PARD3B: variants seen among roughly 807,000 people sequenced by gnomAD.
PARD3B encodes par-3 family cell polarity regulator beta, also known as partitioning defective 3 homolog B.
PARD3B carries 103 observed loss-of-function variants against 130.2 expected under a neutral mutation model. That is an observed-to-expected ratio of 0.79 (90% confidence interval 0.67 to 0.93). PARD3B has a LOEUF of 0.93. PARD3B is among the 40% of genes least tolerant of loss of function. The pLI is 0.00. For missense variants in PARD3B, 1,609 were observed against 1,499.2 expected (o/e 1.07, Z -1.21); for synonymous variants, 583 against 553.2 (o/e 1.05, Z -0.76).
chr2:204,697,606 G>C (rs1407546424), intron 2 of PARD3B, among the ~76,000 whole-genome samples: 3 of 152,030 alleles, frequency 2.0e-5, no homozygotes, highest in Admixed American at 6.6e-5. Context: ...ACTTCTAAAG[G>C]CCAACTGTCA....
chr2:205,541,528 T>C (rs1045816296), intron 21 of PARD3B, among the ~76,000 whole-genome samples: 2 of 152,120 alleles, frequency 1.3e-5, no homozygotes, highest in Non-Finnish European at 2.9e-5. Flanking sequence ...TTTGTATTTT[T>C]AGTAGAGACG....
rs1361806945 is a variant in PARD3B at position 205,616,791 on chromosome 2, G to T, written c.*978G>T. ...GAGGCAGTGCCCTGGGAAATGCCAA[G>T]TCCAGACTCAGTGCCAAGCAGTAAC... is the stretch of plus-strand genomic sequence containing the variant. On this transcript the variant is annotated 3_prime_UTR_variant, in exon 23 of 23. Transcript: ENST00000406610. 6.6e-6 allele frequency: 1 copy of T among 152,630 alleles called. No homozygotes were observed. Among genetic ancestry groups the T allele is most frequent in the Admixed American group, 6.5e-5 (1 of 15,296 alleles). The allele number at this position is 152,630 out of a possible 1,614,324, so 9.5% of individuals were successfully genotyped here.
intron 2 of PARD3B, among the ~76,000 whole-genome samples, chr2:204,813,771 C>G (rs1242657254): frequency 6.6e-6 from 1 of 152,032 alleles, no homozygotes; most frequent in Non-Finnish European, 1.5e-5. Flanking sequence ...AGAGACTATT[C>G]TTTCTACGCT....
At chr2:205,565,567 CT>C (rs2053294098) in intron 22 of PARD3B, among the ~76,000 whole-genome samples, 1 of 152,176 alleles carries the variant, frequency 6.6e-6, no homozygotes, top group Non-Finnish European at 1.5e-5. Flanking sequence ...AGACAAGTCA[CT>C]TATGTTACCA....
At chr2:205,612,845 T>C (rs1047789773) in intron 22 of PARD3B, among the ~76,000 whole-genome samples, 1 of 152,314 alleles carries the variant, frequency 6.6e-6, no homozygotes, top group South Asian at 2.1e-4. Flanking sequence ...AGGTCTGCCC[T>C]ATCTGCCCAC....
Position 205,351,429 on chromosome 2 carries a change from G to T in PARD3B, c.2631-49584G>T, listed in dbSNP as rs1340689032. ...TGGTGAGTTTTCAGAAAACTGAAAG[G>T]TTGCCCTCAAGCTAGGTGCTGGAGG... On this transcript the variant is annotated intron_variant, in intron 18 of 22. Coordinates refer to ENST00000406610, the MANE Select transcript of PARD3B (RefSeq NM_001302769.2). This position sits in a 1 kb window ranked among gnomAD's most constrained non-coding sequence, Gnocchi z 4.2. Among the ~76,000 whole-genome samples the T allele has an allele frequency of 2.6e-5, 4 of 152,114 alleles. No homozygotes were observed. The highest frequency in any genetic ancestry group is 9.7e-5 in the African/African-American group (4 of 41,424).
chr2:204,745,916 GC>G (rs897634491), intron 2 of PARD3B, among the ~76,000 whole-genome samples: 1 of 150,770 alleles, frequency 6.6e-6, no homozygotes, highest in Admixed American at 6.6e-5. Flanking sequence ...CTTTGTTTTT[GC>G]CTTCCTTAAT....
intron 19 of PARD3B, among the ~76,000 whole-genome samples, chr2:205,411,227 A>G (rs1447343741): frequency 6.6e-6 from 1 of 152,208 alleles, no homozygotes; most frequent in Admixed American, 6.6e-5. Context: ...TTGAGAAACC[A>G]TATTTTAGAT....
At chr2:204,938,764 A>G (rs1414451384) in intron 2 of PARD3B, among the ~76,000 whole-genome samples, 2 of 152,268 alleles carry the variant, frequency 1.3e-5, no homozygotes, top group Admixed American at 6.5e-5. Flanking sequence ...TTGTGCAGCT[A>G]GGGTTGAGGA....
chr2:205,556,425 C>T (rs1348219119), intron 22 of PARD3B, among the ~76,000 whole-genome samples: 3 of 152,106 alleles, frequency 2.0e-5, no homozygotes, highest in Middle Eastern at 3.2e-3. Context: ...TCATGGAACT[C>T]GGTCATCTTT....
chr2:205,122,248 G>A lies in PARD3B; in HGVS notation c.1165+299G>A, dbSNP rs2030835410. 6.6e-6 allele frequency among the ~76,000 whole-genome samples: 1 copy of A among 152,072 alleles called. No homozygotes were observed. Among genetic ancestry groups the A allele is most frequent in the African/African-American group, 2.4e-5 (1 of 41,404 alleles). On this transcript the variant is annotated intron_variant, in intron 8 of 22. Coordinates refer to ENST00000406610, the MANE Select transcript of PARD3B (RefSeq NM_001302769.2). This position sits in a 1 kb window ranked among gnomAD's most constrained non-coding sequence, Gnocchi z 4.3. ...TGTATTACAACTTAATACCAAATAG[G>A]CATGAAAATTCAGTTGTCCCTGTTC...
intron 22 of PARD3B, among the ~76,000 whole-genome samples, chr2:205,588,672 C>T (rs1208278121): frequency 6.6e-6 from 1 of 152,034 alleles, no homozygotes; most frequent in African/African-American, 2.4e-5. Flanking sequence ...TTTGTAAAAC[C>T]TCATGGAACT....
At chr2:205,494,973 A>G (rs2049871452) in intron 20 of PARD3B, among the ~76,000 whole-genome samples, 2 of 152,204 alleles carry the variant, frequency 1.3e-5, no homozygotes, top group Admixed American at 6.5e-5. Context: ...AGCTTGATAA[A>G]TGTTAATTTT....
chr2:204,776,696 T>C (rs2041637331), intron 2 of PARD3B, among the ~76,000 whole-genome samples: 1 of 151,942 alleles, frequency 6.6e-6, no homozygotes, highest in Admixed American at 6.6e-5. Context: ...GTGGGCAGTT[T>C]GCTAACTATT....
chr2:204,938,135 G>A (rs770073156), intron 2 of PARD3B, among the ~76,000 whole-genome samples: 1 of 152,152 alleles, frequency 6.6e-6, no homozygotes, highest in Non-Finnish European at 1.5e-5. Flanking sequence ...TGGATGTCCA[G>A]ATTTTTAATA....
intron 1 of PARD3B, among the ~76,000 whole-genome samples, chr2:204,662,274 A>G (rs935043849): frequency 7.2e-5 from 11 of 152,228 alleles, no homozygotes; most frequent in African/African-American, 2.7e-4. Context: ...GTTCTTCAGT[A>G]CTGGGAAGCT....
At chr2:205,358,717 C>T (rs1276021455) in intron 18 of PARD3B, among the ~76,000 whole-genome samples, 11 of 152,186 alleles carry the variant, frequency 7.2e-5, no homozygotes, top group Non-Finnish European at 7.3e-5. Flanking sequence ...AGACGGTGTG[C>T]TTTCCCACCC....
intron 18 of PARD3B, among the ~76,000 whole-genome samples, chr2:205,308,186 A>G (rs963138704): frequency 6.6e-6 from 1 of 152,164 alleles, no homozygotes; most frequent in African/African-American, 2.4e-5. Context: ...TTAAAGCCCT[A>G]TTTTGTATCA....
chr2:205,036,456 A>T (rs574063824), intron 3 of PARD3B, among the ~76,000 whole-genome samples: 1 of 147,980 alleles, frequency 6.8e-6, no homozygotes, highest in South Asian at 2.1e-4. Context: ...TATATATAAA[A>T]ATATATGTAT....
Sources: allele counts gnomAD v4.1 joint callset (sites outside exome capture counted in the v4.1 genomes callset), GRCh38; gene constraint gnomAD v4.1.1; non-coding constraint Gnocchi (gnomAD v3.1); transcripts MANE v1.5; gene names NCBI Gene and HGNC (gene_info 2026-07-23, HGNC 2026-07-21).